Variants in CCDC169 observed in about 807,000 individuals in gnomAD.
The protein encoded by CCDC169 is coiled-coil domain-containing protein 169.
A neutral mutation model predicts 36.0 loss-of-function variants in CCDC169; 30 were observed. That is an observed-to-expected ratio of 0.83 (90% confidence interval 0.62 to 1.13). The LOEUF (loss-of-function observed/expected upper bound fraction) is 1.13, where lower values mean the gene tolerates loss of function less well. CCDC169 is among the 50% of genes most tolerant of loss of function. The pLI, the probability that CCDC169 is intolerant of heterozygous loss-of-function variation, is 0.00. For synonymous variants in CCDC169, 85 were observed against 81.5 expected (o/e 1.04, Z -0.23); for missense variants, 245 against 245.9 (o/e 1.00, Z 0.03).
intron 7 of CCDC169, among the ~76,000 whole-genome samples, chr13:36,246,723 A>T (rs1872541366): frequency 6.6e-6 from 1 of 152,214 alleles, no homozygotes; most frequent in African/African-American, 2.4e-5. Flanking sequence ...GATGAAGGTG[A>T]TTACACTAAC....
At chr13:36,266,445 C>T (rs992691541) in intron 4 of CCDC169, among the ~76,000 whole-genome samples, 1 of 152,138 alleles carries the variant, frequency 6.6e-6, no homozygotes, top group African/African-American at 2.4e-5. Flanking sequence ...ATCCAGATGT[C>T]CTGTCAGAGT....
intron 4 of CCDC169, among the ~76,000 whole-genome samples, chr13:36,264,318 A>C (rs1169524232): frequency 6.6e-6 from 1 of 152,142 alleles, no homozygotes; most frequent in East Asian, 1.9e-4. Context: ...AATGAGAAGG[A>C]TTTAGATGGA....
At chr13:36,239,262 C>A (rs200453147) in intron 7 of CCDC169, among the ~76,000 whole-genome samples, 2 of 110,460 alleles carry the variant, frequency 1.8e-5, no homozygotes, top group Non-Finnish European at 2.2e-5. Context: ...AAAAAAAAAA[C>A]AGAAAAAGAA....
At chr13:36,270,176 G>A (rs761938127) in intron 4 of CCDC169, among the ~76,000 whole-genome samples, 13 of 151,208 alleles carry the variant, frequency 8.6e-5, no homozygotes, top group Non-Finnish European at 1.8e-4. Flanking sequence ...TTTTACAATA[G>A]CTGCAAAAAC....
In CCDC169 at chr13:36,274,573, G is replaced by T. The variant is rs930513141; in HGVS notation, c.315+8896C>A. The T allele has an allele frequency of 3.3e-5, 5 of 152,088 alleles. No individual in the cohort carries two copies. In the East Asian group the frequency reaches 9.6e-4, roughly 29 times the overall value. The allele number at this position is 152,088 out of a possible 1,614,324, so 9.4% of individuals were successfully genotyped here. ...CACAGTTAAACTGAAAATTCTACTA[G>T]ATATTAACAACAACGAAAATCATAT... On this transcript the variant is annotated intron_variant, in intron 4 of 7. Coordinates refer to ENST00000239859, the MANE Select transcript of CCDC169 (RefSeq NM_001144981.3).
chr13:36,231,127 C>T lies in CCDC169; in HGVS notation c.*66G>A. 2.6e-6 allele frequency: 4 copies of T among 1,512,596 alleles called. No homozygotes were observed. The highest frequency in any genetic ancestry group is 3.5e-6 in the Non-Finnish European group (4 of 1,133,344). 93.7% of individuals were successfully genotyped at this position (1,512,596 alleles called of 1,614,324 possible). A position where few individuals can be genotyped will look rare whatever the true frequency, so the allele number is the denominator to read the frequency against. On this transcript the variant is annotated 3_prime_UTR_variant, in exon 8 of 8. Coordinates refer to ENST00000239859, the MANE Select transcript of CCDC169 (RefSeq NM_001144981.3). The stretch of plus-strand genomic sequence containing the variant: ...CCTGAAGAAATGTGCTGACCATTAA[C>T]TTTATAACTTGAATATTATAAATGG...
chr13:36,260,961 G>A (rs561794286), intron 4 of CCDC169, among the ~76,000 whole-genome samples: 1 of 152,184 alleles, frequency 6.6e-6, no homozygotes, highest in East Asian at 1.9e-4. Context: ...CTTCTACCTG[G>A]CCAACATTCA....
At chr13:36,296,459 C>G (rs534965462) in intron 1 of CCDC169, among the ~76,000 whole-genome samples, 6 of 152,202 alleles carry the variant, frequency 3.9e-5, no homozygotes, top group African/African-American at 1.4e-4. Flanking sequence ...TTTTTCAGAA[C>G]CAAGCAAATT....
chr13:36,270,674 G>A (rs2138556258), intron 4 of CCDC169, among the ~76,000 whole-genome samples: 1 of 152,248 alleles, frequency 6.6e-6, no homozygotes, highest in East Asian at 1.9e-4. Context: ...CTTAGGGAAT[G>A]GACCCTCTTT....
chr13:36,250,893 G>A (rs1291180954), intron 6 of CCDC169, among the ~76,000 whole-genome samples: 2 of 152,132 alleles, frequency 1.3e-5, no homozygotes, highest in Non-Finnish European at 2.9e-5. Context: ...TAATGAAACA[G>A]AAAAGCCTCA....
chr13:36,254,161 A>G lies in CCDC169; in HGVS notation c.316-18T>C, dbSNP rs879757649. ...AAGGATTCCTAAAAATATAAATAGT[A>G]AAATTTTATATGTACTCATGTTCTA... On this transcript the variant is annotated intron_variant, in intron 4 of 7. Transcript: ENST00000239859. 6.2e-6 allele frequency: 9 copies of G among 1,455,188 alleles called. No homozygotes were observed. The highest frequency in any genetic ancestry group is 8.3e-6 in the Non-Finnish European group (9 of 1,089,680). 90.1% of individuals were successfully genotyped at this position (1,455,188 alleles called of 1,614,324 possible). A position where few individuals can be genotyped will look rare whatever the true frequency, so the allele number is the denominator to read the frequency against.
At chr13:36,286,346 G>A (rs1342594453) in intron 2 of CCDC169, among the ~76,000 whole-genome samples, 2 of 152,162 alleles carry the variant, frequency 1.3e-5, no homozygotes, top group Admixed American at 6.5e-5. Flanking sequence ...ACCACCTTCT[G>A]CCTCTTTTGG....
At chr13:36,282,632 T>C (rs1016609763) in intron 4 of CCDC169, 17 of 624,060 alleles carry the variant, frequency 2.7e-5, no homozygotes, top group Non-Finnish European at 3.4e-5. Context: ...ATTTCTTCAG[T>C]CCTTTACTGT....
At chr13:36,278,148 A>ACTT (rs1249493952) in intron 4 of CCDC169, among the ~76,000 whole-genome samples, 2 of 152,144 alleles carry the variant, frequency 1.3e-5, no homozygotes, top group Non-Finnish European at 2.9e-5. Flanking sequence ...ATAAAATAGT[A>ACTT]CTTTTCCTTT....
intron 2 of CCDC169, among the ~76,000 whole-genome samples, chr13:36,285,584 A>AAGATAGAT (rs367836854): frequency 0.11 from 14,714 of 137,954 alleles, 969 homozygotes; most frequent in African/African-American, 0.18. Flanking sequence ...AAAATAAAAT[A>AAGATAGAT]AGATAGATAG....
In CCDC169 at chr13:36,283,728, C is replaced by A. The variant is rs1011246773; in HGVS notation, c.164-26G>T. The A allele has an allele frequency of 4.1e-6, 6 of 1,460,458 alleles. No homozygotes were observed. The African/African-American group carries it at 7.0e-5, about 17-fold the overall frequency. The allele number at this position is 1,460,458 out of a possible 1,614,324, so 90.5% of individuals were successfully genotyped here. A position where few individuals can be genotyped will look rare whatever the true frequency, so the allele number is the denominator to read the frequency against. On this transcript the variant is annotated intron_variant, in intron 2 of 7. Transcript: ENST00000239859. The stretch of plus-strand genomic sequence containing the variant: ...CTGAGTAAAAACAGGGAGAAACAAT[C>A]AAGATCACCCCACCACCTCTCATTT...
At chr13:36,244,099 A>G (rs1017394302) in intron 7 of CCDC169, among the ~76,000 whole-genome samples, 3 of 152,358 alleles carry the variant, frequency 2.0e-5, no homozygotes. Flanking sequence ...ACTGCAAGAT[A>G]TTAATAAAAA....
chr13:36,250,913 T>A (rs540580584), intron 6 of CCDC169, among the ~76,000 whole-genome samples: 56 of 152,362 alleles, frequency 3.7e-4, no homozygotes, highest in Admixed American at 1.4e-3. Flanking sequence ...AGATTCCTTA[T>A]CTGTGAGCTA....
At chr13:36,248,502 A>T (rs1872756282) in intron 7 of CCDC169, 104 bp downstream of exon 7, 1 of 1,041,234 alleles carries the variant, frequency 9.6e-7, no homozygotes. Flanking sequence ...TGTTGCTATA[A>T]AACCTAGAAG....
Sources: gnomAD v4.1 joint callset for allele counts (sites outside exome capture counted in the v4.1 genomes callset) on GRCh38, gnomAD v4.1.1 for gene constraint, MANE v1.5 for transcripts, NCBI Gene and HGNC (gene_info 2026-07-23, HGNC 2026-07-21) for gene names.